CASKIN2: variants seen among roughly 807,000 people sequenced by gnomAD.
CASKIN2 encodes caskin-2.
A neutral mutation model predicts 107.1 loss-of-function variants in CASKIN2; 41 were observed. That is an observed-to-expected ratio of 0.38 (90% CI 0.30 to 0.50). The LOEUF (loss-of-function observed/expected upper bound fraction) is 0.50, where lower values mean the gene tolerates loss of function less well. Ranked by LOEUF, CASKIN2 falls within the 20% of genes least tolerant of loss-of-function variation. The pLI, the probability that CASKIN2 is intolerant of heterozygous loss-of-function variation, is 0.92. For synonymous variants in CASKIN2, 724 were observed against 705.6 expected (o/e 1.03, Z -0.41); for missense variants, 1,546 against 1,657.4 (o/e 0.93, Z 1.17).
intron 2 of CASKIN2, among the ~76,000 whole-genome samples, chr17:75,511,059 C>T (rs1598469837): frequency 8.7e-6 from 1 of 115,078 alleles, no homozygotes; most frequent in Non-Finnish European, 1.7e-5. Flanking sequence ...TTTCCCTGTC[C>T]TTTTTTTTTT....
chr17:75,507,671 G>C lies in CASKIN2; in HGVS notation c.157C>G (p.Leu53Val). ...CTGCCCCCCAAAGCAGCGTGGTGGA[G>C]GGCAGAGAATCTGATGTGGGAGGAC... ...NYQDADGFSA[L>V]HHAALGGSLE... The change falls in exon 4 of 20, where the codon CTC becomes GTC. Residue 53 changes from leucine (L) to valine (V), a missense_variant. Coordinates refer to ENST00000321617, the MANE Select transcript of CASKIN2 (RefSeq NM_020753.5). 6.2e-7 allele frequency: 1 copy of C among 1,612,270 alleles called. No homozygotes were observed. The highest frequency in any genetic ancestry group is 8.5e-7 in the Non-Finnish European group (1 of 1,179,190).
At position 75,505,956 on chromosome 17, in the gene CASKIN2, A is replaced by G. The variant is rs1310460387; in HGVS notation, c.727-27T>C. The G allele has an allele frequency of 6.3e-7, 1 of 1,586,148 alleles. No individual in the cohort carries two copies. The highest frequency in any genetic ancestry group is 8.6e-7 in the Non-Finnish European group (1 of 1,156,726). On this transcript the variant is annotated intron_variant, in intron 8 of 19. Transcript: ENST00000321617. This position sits in a 1 kb window ranked among gnomAD's most constrained non-coding sequence, Gnocchi z 5.1. ...TGGGTGCACAGTGTCACATGAGCAC[A>G]CGCTAAGCACTTTGACACCCCTCAC... is the stretch of plus-strand genomic sequence containing the variant.
In CASKIN2 at chr17:75,501,515, A is replaced by G; in HGVS notation, c.3471T>C (p.Ala1157=). 1 of 1,612,392 alleles carries G rather than the reference A, an allele frequency of 6.2e-7. No individual in the cohort carries two copies. Among genetic ancestry groups the G allele is most frequent in the Non-Finnish European group, 8.5e-7 (1 of 1,179,538 alleles). Residue 1157 remains alanine (A), a synonymous_variant, in exon 19 of 20, where the codon GCT becomes GCC. Transcript: ENST00000321617. ...TGCTCTTCTCTGCGGCTCTCAGTGC[A>G]GCTGCCAGGGACGAGCTGGTCTGCT... ...RLEQTSSSLA[A]ALRAAEKSIG...
chr17:75,502,745 C>A lies in CASKIN2; in HGVS notation c.2329G>T (p.Ala777Ser), dbSNP rs779892504. The A allele has an allele frequency of 1.9e-6, 3 of 1,589,752 alleles. No individual in the cohort carries two copies. Among genetic ancestry groups the A allele is most frequent in the Non-Finnish European group, 2.6e-6 (3 of 1,167,036 alleles). ...APGPPPGAPW[A>S]FSYLAGPPAT... is the part of the protein sequence containing the mutation. ...GGGGGCCCGGCCAAGTAGGAGAAGG[C>A]CCAGGGTGCGCCAGGAGGTGGCCCT... The change falls in exon 18 of 20, where the codon GCC becomes TCC. Residue 777 changes from alanine to serine, a missense_variant. Ala to Ser is a moderately conservative substitution (Grantham distance 99). This residue lies in a region of CASKIN2 where 1,311 missense variants were observed against 1,311.0 expected (regional missense o/e 1.00). Transcript: ENST00000321617. This position sits in a 1 kb window ranked among gnomAD's most constrained non-coding sequence, Gnocchi z 4.3.
chr17:75,502,461 C>CG lies in CASKIN2; in HGVS notation c.2612dup (p.Pro872AlafsTer20). 1 of 1,015,524 alleles carries CG rather than the reference C, an allele frequency of 9.8e-7. No individual in the cohort carries two copies. Among genetic ancestry groups the CG allele is most frequent in the Non-Finnish European group, 1.2e-6 (1 of 831,396 alleles). 62.9% of individuals were successfully genotyped at this position (1,015,524 alleles called of 1,614,324 possible). A position where few individuals can be genotyped will look rare whatever the true frequency, so the allele number is the denominator to read the frequency against. ...AGACGGAGCTGAGGCGCTTGGGGGG[C>CG]GGGGGCGGGGGGCCTTTGCGCCGGG... On this transcript the variant is annotated frameshift_variant, in exon 18 of 20. Transcript: ENST00000321617. LOFTEE classifies it high-confidence loss of function. The surrounding 1 kb of genome is among the most constrained non-coding windows in gnomAD (Gnocchi z 4.3).
At chr17:75,512,858 C>A (rs2053325693) in intron 2 of CASKIN2, among the ~76,000 whole-genome samples, 2 of 151,224 alleles carry the variant, frequency 1.3e-5, no homozygotes, top group African/African-American at 4.9e-5. Flanking sequence ...TGAGATCATG[C>A]CACTGCACTC....
In CASKIN2 at chr17:75,506,858, G is replaced by T; in HGVS notation, c.427C>A (p.Leu143Met). 6 of 1,612,786 alleles carry T rather than the reference G, an allele frequency of 3.7e-6. No individual in the cohort carries two copies. Among genetic ancestry groups the T allele is most frequent in the Non-Finnish European group, 4.2e-6 (5 of 1,179,636 alleles). The change falls in exon 6 of 20, where the codon CTG becomes ATG. Residue 143 changes from leucine (L) to methionine (M), a missense_variant. This residue lies in a region of CASKIN2 where 136 missense variants were observed against 198.6 expected (regional missense o/e 0.68). Transcript: ENST00000321617. The surrounding 1 kb of genome is among the most constrained non-coding windows in gnomAD (Gnocchi z 4.8). Reference sequence around the variant, plus strand: ...GGCGTCTTCTTGGCCTTGTTGACCAGGCATGGGTTGGACTGATGCTGGAGG... The same window carrying T: ...GGCGTCTTCTTGGCCTTGTTGACCATGCATGGGTTGGACTGATGCTGGAGG... Reference protein sequence around the residue: ...MLLQHQSNPCLVNKAKKTPLD... With the variant: ...MLLQHQSNPCMVNKAKKTPLD...
chr17:75,503,803 T>C, intron 15 of CASKIN2, 43 bp from the exon 16 acceptor site: 15 of 1,610,672 alleles, frequency 9.3e-6, no homozygotes, highest in Non-Finnish European at 1.3e-5. Context: ...CCCCGCCTGC[T>C]GGGCCCTCCC....
Position 75,503,680 on chromosome 17 carries a change from C to T in CASKIN2, c.1659G>A (p.Glu553=), listed in dbSNP as rs768632848. 6.2e-7 allele frequency: 1 copy of T among 1,612,238 alleles called. No individual in the cohort carries two copies. The highest frequency in any genetic ancestry group is 8.5e-7 in the Non-Finnish European group (1 of 1,180,002). ...TCACTGGGATGTAGCTGGGCAGCCACTCGGCGATGCTGAGCTGAGCGATCT... is the reference window on the plus strand; with the variant it reads ...TCACTGGGATGTAGCTGGGCAGCCATTCGGCGATGCTGAGCTGAGCGATCT... ...ASEIAQLSIA[E]WLPSYIPTDL... is the part of the protein sequence containing the mutation. The change falls in exon 16 of 20, where the codon GAG becomes GAA. Residue 553 remains glutamate, a synonymous_variant. Coordinates refer to ENST00000321617, the MANE Select transcript of CASKIN2 (RefSeq NM_020753.5).
chr17:75,501,748 C>T (rs373169799), intron 18 of CASKIN2, 31 bp downstream of exon 18: 3 of 1,529,518 alleles, frequency 2.0e-6, no homozygotes, highest in African/African-American at 2.8e-5. Flanking sequence ...ACCCTGCCAG[C>T]AGTGACTCTC....
intron 2 of CASKIN2, 107 bp from the exon 3 acceptor site, chr17:75,508,392 C>T: frequency 1.6e-6 from 2 of 1,246,248 alleles, no homozygotes; most frequent in South Asian, 2.6e-5. Context: ...TGCAGGAAAG[C>T]ACCTGCCCCA....
At position 75,502,541 on chromosome 17, in the gene CASKIN2, C is replaced by T. The variant is rs530176551; in HGVS notation, c.2533G>A (p.Val845Met). 9.4e-4 allele frequency: 1,446 copies of T among 1,543,004 alleles called. 13 individuals are homozygous for T. In the South Asian group the frequency reaches 9.7e-3, roughly 10 times the overall value. Residue 845 changes from valine (V) to methionine (M), a missense_variant, in exon 18 of 20, where the codon GTG becomes ATG. Around this residue, in one of 6 missense-constraint regions of CASKIN2, gnomAD observed 1,311 missense variants for 1,311.0 expected, o/e 1.00. Transcript: ENST00000321617. This position sits in a 1 kb window ranked among gnomAD's most constrained non-coding sequence, Gnocchi z 4.3. The stretch of plus-strand genomic sequence containing the variant: ...GTCCCCCGAGCTGGGGTTGGGGTCA[C>T]ACTAGGACTGGTCCGGACAAGGGCA... ...RSALVRTSPS[V>M]TPTPARGTPR... is the part of the protein sequence containing the mutation.
intron 2 of CASKIN2, among the ~76,000 whole-genome samples, chr17:75,510,231 G>A (rs1034249029): frequency 6.6e-6 from 1 of 152,170 alleles, no homozygotes; most frequent in African/African-American, 2.4e-5. Flanking sequence ...CGGGGAGCAG[G>A]GCCAGGGCAA....
chr17:75,502,493 G>T lies in CASKIN2; in HGVS notation c.2581C>A (p.Leu861Met). The change falls in exon 18 of 20, where the codon CTG becomes ATG. Residue 861 changes from leucine (L) to methionine (M), a missense_variant. Leu to Met is a conservative substitution (Grantham distance 15). Around this residue, in one of 6 missense-constraint regions of CASKIN2, gnomAD observed 1,311 missense variants for 1,311.0 expected, o/e 1.00. Transcript: ENST00000321617. The surrounding 1 kb of genome is among the most constrained non-coding windows in gnomAD (Gnocchi z 4.3). ...RGTPRSQSFA[L>M]RARRKGPPPP... is the part of the protein sequence containing the mutation. ...GGGGGGCCTTTGCGCCGGGCCCGCA[G>T]GGCAAAGGACTGGCTGCGAGGAGTC... 1 of 1,460,690 alleles carries T rather than the reference G, an allele frequency of 6.8e-7. No homozygotes were observed. Among genetic ancestry groups the T allele is most frequent in the East Asian group, 2.5e-5 (1 of 40,516 alleles). The allele number at this position is 1,460,690 out of a possible 1,614,324, so 90.5% of individuals were successfully genotyped here.
chr17:75,503,683 G>C lies in CASKIN2; in HGVS notation c.1656C>G (p.Ala552=). 2 of 1,612,222 alleles carry C rather than the reference G, an allele frequency of 1.2e-6. No homozygotes were observed. Among genetic ancestry groups the C allele is most frequent in the Non-Finnish European group, 1.7e-6 (2 of 1,179,988 alleles). ...CTGGGATGTAGCTGGGCAGCCACTC[G>C]GCGATGCTGAGCTGAGCGATCTCTG... is the stretch of plus-strand genomic sequence containing the variant. The part of the protein sequence containing the change: ...IASEIAQLSI[A]EWLPSYIPTD... The change falls in exon 16 of 20, where the codon GCC becomes GCG. Residue 552 remains alanine (A), a synonymous_variant. Coordinates refer to ENST00000321617, the MANE Select transcript of CASKIN2 (RefSeq NM_020753.5).
Position 75,502,124 on chromosome 17 carries a change from G to C in CASKIN2, c.2950C>G (p.Leu984Val), listed in dbSNP as rs745698301. The C allele has an allele frequency of 5.0e-6, 8 of 1,605,890 alleles. No individual in the cohort carries two copies. Among genetic ancestry groups the C allele is most frequent in the Non-Finnish European group, 6.8e-6 (8 of 1,179,812 alleles). ...CGCTTAACAGTGTCTGATTCCGTGA[G>C]GTTGAAATCGAGGCCGGGGGGCACG... ...TPVPPGLDFN[L>V]TESDTVKRRP... Residue 984 changes from leucine (L) to valine (V), a missense_variant, in exon 18 of 20, where the codon CTC (leucine) becomes GTC (valine). By Grantham distance (32) the Leu-to-Val change is conservative (BLOSUM62 1). This residue lies in a region of CASKIN2 where 1,311 missense variants were observed against 1,311.0 expected (regional missense o/e 1.00). Coordinates refer to ENST00000321617, the MANE Select transcript of CASKIN2 (RefSeq NM_020753.5). This position sits in a 1 kb window ranked among gnomAD's most constrained non-coding sequence, Gnocchi z 4.3.
rs1567992443 is a variant in CASKIN2 at position 75,502,455 on chromosome 17, G to GGGGGGC, written c.2613_2618dup (p.Pro872_Pro873dup). ...GGCCAGAGACGGAGCTGAGGCGCTT[G>GGGGGGC]GGGGGCGGGGGCGGGGGGCCTTTGC... On this transcript the variant is annotated inframe_insertion, in exon 18 of 20. Transcript: ENST00000321617. This position sits in a 1 kb window ranked among gnomAD's most constrained non-coding sequence, Gnocchi z 4.3. 1.2e-5 allele frequency: 17 copies of GGGGGGC among 1,445,004 alleles called. No homozygotes were observed. The highest frequency in any genetic ancestry group is 2.8e-5 in the Admixed American group (1 of 36,110). The allele number at this position is 1,445,004 out of a possible 1,614,324, so 89.5% of individuals were successfully genotyped here.
In CASKIN2 at chr17:75,502,896, G is replaced by C. The variant is rs201582349; in HGVS notation, c.2178C>G (p.Pro726=). ...CCTCTGGGAGGTTCCTCTCCTGGGG[G>C]GGGCTGGGATCTCCACCGCTGGGCT... ...APQPSGGDPS[P]PQERNLPEGT... is the part of the protein sequence containing the mutation. Residue 726 remains proline (P), a synonymous_variant, in exon 18 of 20, where the codon CCC becomes CCG. Coordinates refer to ENST00000321617, the MANE Select transcript of CASKIN2 (RefSeq NM_020753.5). This position sits in a 1 kb window ranked among gnomAD's most constrained non-coding sequence, Gnocchi z 4.3. The C allele has an allele frequency of 3.9e-6, 6 of 1,544,710 alleles. No individual in the cohort carries two copies. The highest frequency in any genetic ancestry group is 2.3e-5 in the East Asian group (1 of 44,290).
At chr17:75,508,491 G>A (rs961309957) in intron 2 of CASKIN2, among the ~76,000 whole-genome samples, 17 of 150,500 alleles carry the variant, frequency 1.1e-4, no homozygotes, top group African/African-American at 3.7e-4. Flanking sequence ...ATGCTGCTGC[G>A]GCAGTGGGCT....
Sources: allele counts gnomAD v4.1 joint callset (sites outside exome capture counted in the v4.1 genomes callset), GRCh38; gene constraint gnomAD v4.1.1; regional missense constraint gnomAD v4.1.1; non-coding constraint Gnocchi (gnomAD v3.1); transcripts MANE v1.5; gene names NCBI Gene and HGNC (gene_info 2026-07-23, HGNC 2026-07-21).